Variants in CFAP46 observed in about 807,000 individuals in gnomAD.
CFAP46 encodes cilia and flagella associated protein 46, also known as cilia- and flagella-associated protein 46.
Under a neutral mutation model 325.7 loss-of-function variants are expected in CFAP46, and 245 were observed. The observed-to-expected ratio is 0.75, with a 90% CI of 0.68 to 0.84. The LOEUF (loss-of-function observed/expected upper bound fraction) is 0.84, where lower values mean the gene tolerates loss of function less well. Among genes scored for constraint, CFAP46 ranks in the 40% least tolerant of loss-of-function variants. The pLI is 0.00. For missense variants in CFAP46, 3,346 were observed against 3,543.0 expected (o/e 0.94, Z 1.41); for synonymous variants, 1,523 against 1,495.9 (o/e 1.02, Z -0.42).
chr10:132,844,199 G>C (rs879315547), intron 44 of CFAP46, among the ~76,000 whole-genome samples: 3 of 151,058 alleles, frequency 2.0e-5, no homozygotes, highest in Non-Finnish European at 4.4e-5. Flanking sequence ...CTGCGGGGCT[G>C]CTCCTGGTGG....
intron 45 of CFAP46, among the ~76,000 whole-genome samples, 197 bp downstream of exon 45, chr10:132,836,620 T>C (rs3750582): frequency 0.68 from 102,726 of 150,724 alleles, 35,691 homozygotes; most frequent in African/African-American, 0.84. Context: ...AAGGGGTGTG[T>C]GGCGTCTCTG....
intron 41 of CFAP46, 113 bp downstream of exon 41, chr10:132,850,131 T>C: frequency 1.8e-6 from 2 of 1,093,956 alleles, no homozygotes. Context: ...CATTTTTCTC[T>C]CTTCCTGGGG....
At chr10:132,864,448 G>A (rs1408455376) in intron 35 of CFAP46, among the ~76,000 whole-genome samples, 1 of 92,788 alleles carries the variant, frequency 1.1e-5, no homozygotes, top group Admixed American at 1.3e-4. Context: ...CCTGAGACCT[G>A]CACACACCTG....
chr10:132,904,189 C>T lies in CFAP46; in HGVS notation c.2924+4279G>A, dbSNP rs115689614. 5.1e-3 allele frequency among the ~76,000 whole-genome samples: 771 copies of T among 152,360 alleles called. 5 individuals are homozygous for T. Among genetic ancestry groups the T allele is most frequent in the African/African-American group, 0.017 (696 of 41,580 alleles). ...TAAAGTATCTCTTACAAAGGCTGGT[C>T]GTCTGCTGGATGTGGGCATGGGTCC... On this transcript the variant is annotated intron_variant, in intron 22 of 57. Coordinates refer to ENST00000368586, the MANE Select transcript of CFAP46 (RefSeq NM_001200049.3).
In CFAP46 at chr10:132,887,894, CTCT is replaced by C. The variant is rs1382850650; in HGVS notation, c.3305-1938_3305-1936del. The stretch of plus-strand genomic sequence containing the variant: ...CTTCTTCTCTCTCCTCTCCTCTCTC[CTCT>C]TCTCTCCTCTCCCTTCTTCTCTCTC... On this transcript the variant is annotated intron_variant, in intron 25 of 57. Transcript: ENST00000368586. Among the ~76,000 whole-genome samples, 4 of 86,010 alleles carry C rather than the reference CTCT, an allele frequency of 4.7e-5. 1 individual carries two copies. Among genetic ancestry groups the C allele is most frequent in the Non-Finnish European group, 9.0e-5 (4 of 44,546 alleles). The allele number at this position is 86,010 out of a possible 152,430, so 56.4% of individuals were successfully genotyped here.
intron 4 of CFAP46, among the ~76,000 whole-genome samples, chr10:132,940,686 T>G (rs957058731): frequency 6.6e-6 from 1 of 152,080 alleles, no homozygotes; most frequent in African/African-American, 2.4e-5. Flanking sequence ...CAAGTGATTC[T>G]CCTGCCTCAG....
chr10:132,835,937 T>C (rs1848234979), intron 46 of CFAP46, among the ~76,000 whole-genome samples: 2 of 77,558 alleles, frequency 2.6e-5, no homozygotes, highest in South Asian at 1.5e-3. Flanking sequence ...CTCCTGCCCC[T>C]GCTCCCCCCT....
chr10:132,860,690 T>A (rs1407055610), intron 36 of CFAP46, 92 bp downstream of exon 36: 1 of 1,386,294 alleles, frequency 7.2e-7, no homozygotes, highest in Non-Finnish European at 9.9e-7. Context: ...TCATCAGCGG[T>A]CTGCCAGGCA....
chr10:132,821,011 GTGTGC>G (rs2134829597), intron 50 of CFAP46, among the ~76,000 whole-genome samples: 1 of 133,880 alleles, frequency 7.5e-6, no homozygotes. Context: ...TGTGTGCTGT[GTGTGC>G]TGTGTGCTGT....
rs144559760 is a variant in CFAP46, at chr10:132,909,237, T to C, written c.2657A>G (p.Asn886Ser). The part of the protein sequence containing the change: ...PRLGTEEQGT[N>S]EDVSSVTRVL... ...TCTGGTCACCGAGCTGACATCCTCA[T>C]TGGTGCCCTGGTGGGGAGGATGCCC... Residue 886 changes from asparagine (N) to serine (S), a missense_variant, in exon 21 of 58, where the codon AAT becomes AGT. By Grantham distance (46) the Asn-to-Ser change is conservative. Coordinates refer to ENST00000368586, the MANE Select transcript of CFAP46 (RefSeq NM_001200049.3). 1,165 of 1,550,072 alleles carry C rather than the reference T, an allele frequency of 7.5e-4. No individual in the cohort carries two copies. Among genetic ancestry groups the C allele is most frequent in the Admixed American group, 1.2e-3 (63 of 51,002 alleles).
At chr10:132,857,838 A>C in intron 38 of CFAP46, 50 bp from the exon 39 acceptor site, 1 of 1,366,994 alleles carries the variant, frequency 7.3e-7, no homozygotes, top group Non-Finnish European at 9.8e-7. Context: ...TATTATTACT[A>C]AATGTTTAAT....
intron 50 of CFAP46, among the ~76,000 whole-genome samples, chr10:132,823,725 T>C (rs1847951273): frequency 7.2e-6 from 1 of 138,366 alleles, no homozygotes; most frequent in Admixed American, 7.4e-5. Flanking sequence ...GTGTGCTGTG[T>C]GCTGATGTGT....
At chr10:132,880,222 C>A (rs1849019354) in intron 28 of CFAP46, among the ~76,000 whole-genome samples, 1 of 152,222 alleles carries the variant, frequency 6.6e-6, no homozygotes, top group Admixed American at 6.5e-5. Context: ...CCGTGCGCAC[C>A]TGCGCTCCCC....
In CFAP46 at chr10:132,827,581, A is replaced by G. The variant is rs75864141; in HGVS notation, c.7117+5777T>C. 0.041 allele frequency among the ~76,000 whole-genome samples: 6,165 copies of G among 152,092 alleles called. 171 individuals are homozygous for G. Among genetic ancestry groups the G allele is most frequent in the Middle Eastern group, 0.11 (31 of 294 alleles). On this transcript the variant is annotated intron_variant, in intron 50 of 57. Coordinates refer to ENST00000368586, the MANE Select transcript of CFAP46 (RefSeq NM_001200049.3). The surrounding 1 kb of genome is among the most constrained non-coding windows in gnomAD (Gnocchi z 5.7). ...TCGGAGTGCCAGAGTACAGAGTCCA[A>G]TTTGAGCATTGTTCAGGTTCAACTG...
chr10:132,938,821 G>A (rs1255189374), intron 4 of CFAP46, 68 bp from the exon 5 acceptor site: 1 of 1,486,828 alleles, frequency 6.7e-7, no homozygotes, highest in East Asian at 2.3e-5. Context: ...CAGAACCAAG[G>A]GGCCGCTGTG....
At chr10:132,824,237 G>T (rs1311319813) in intron 50 of CFAP46, among the ~76,000 whole-genome samples, 1 of 144,774 alleles carries the variant, frequency 6.9e-6, no homozygotes, top group Non-Finnish European at 1.5e-5. Flanking sequence ...TGTGTGTGCT[G>T]TGTGAGTGCT....
chr10:132,923,733 C>A (rs554680799), intron 11 of CFAP46, among the ~76,000 whole-genome samples: 1 of 152,262 alleles, frequency 6.6e-6, no homozygotes, highest in Admixed American at 6.5e-5. Flanking sequence ...AAGGAAGGCC[C>A]AGCAGGGGTG....
At chr10:132,812,223 G>A (rs1666030348) in intron 55 of CFAP46, among the ~76,000 whole-genome samples, 2 of 152,354 alleles carry the variant, frequency 1.3e-5, no homozygotes, top group South Asian at 2.1e-4. Flanking sequence ...CGTGTGTGCT[G>A]TGCTCACGCC....
chr10:132,918,649 C>T (rs1212884149), intron 15 of CFAP46, 129 bp from the exon 16 acceptor site: 31 of 1,232,928 alleles, frequency 2.5e-5, no homozygotes, highest in Admixed American at 6.2e-5. Flanking sequence ...CCAAGGTGGG[C>T]GGGTAGGCGG....
Sources: allele counts gnomAD v4.1 joint callset (sites outside exome capture counted in the v4.1 genomes callset), GRCh38; gene constraint gnomAD v4.1.1; non-coding constraint Gnocchi (gnomAD v3.1); transcripts MANE v1.5; gene names NCBI Gene and HGNC (gene_info 2026-07-23, HGNC 2026-07-21).